The following SCAMP1 variants were observed in gnomAD, a reference collection of about 807,000 sequenced individuals.
SCAMP1 encodes the protein secretory carrier membrane protein 1.
Under a neutral mutation model 41.8 loss-of-function variants are expected in SCAMP1, and 15 were observed. The observed-to-expected ratio is 0.36, with a 90% CI of 0.24 to 0.55. The LOEUF (loss-of-function observed/expected upper bound fraction) is 0.55, where lower values mean the gene tolerates loss of function less well. SCAMP1 is among the 20% of genes least tolerant of loss of function. The pLI is 0.86. For missense variants in SCAMP1, 341 were observed against 412.6 expected, an observed-to-expected ratio of 0.83 and a Z score of 1.50; for synonymous variants, 135 against 136.8, an observed-to-expected ratio of 0.99 and a Z score of 0.09.
At chr5:78,398,223 A>G (rs1561260165) in intron 2 of SCAMP1, among the ~76,000 whole-genome samples, 1 of 152,224 alleles carries the variant, frequency 6.6e-6, no homozygotes. Flanking sequence ...TAGCATAAAA[A>G]TAAATGAAGT....
chr5:78,405,084 T>A (rs1751899420), intron 2 of SCAMP1, among the ~76,000 whole-genome samples: 1 of 152,244 alleles, frequency 6.6e-6, no homozygotes, highest in Non-Finnish European at 1.5e-5. Flanking sequence ...CAGTCATGGG[T>A]CAGCAATTTG....
intron 6 of SCAMP1, among the ~76,000 whole-genome samples, chr5:78,424,127 C>T (rs1234036250): frequency 6.6e-6 from 1 of 152,106 alleles, no homozygotes; most frequent in African/African-American, 2.4e-5. Context: ...CTGCCCACCT[C>T]GGCCTCCCAA....
chr5:78,391,799 G>C (rs372614417), intron 2 of SCAMP1, among the ~76,000 whole-genome samples: 1 of 152,222 alleles, frequency 6.6e-6, no homozygotes, highest in Non-Finnish European at 1.5e-5. Flanking sequence ...GCGGTTAGGA[G>C]CTGGAGACCA....
chr5:78,408,547 G>A (rs900261397), intron 2 of SCAMP1, among the ~76,000 whole-genome samples: 1 of 152,098 alleles, frequency 6.6e-6, no homozygotes, highest in Non-Finnish European at 1.5e-5. Flanking sequence ...TGTCCATGTG[G>A]GTAGTGGAAT....
At chr5:78,469,171 C>T (rs1490259690) in intron 8 of SCAMP1, among the ~76,000 whole-genome samples, 1 of 152,194 alleles carries the variant, frequency 6.6e-6, no homozygotes, top group East Asian at 1.9e-4. Flanking sequence ...CCCCTTGTCT[C>T]TTCCACTTTG....
chr5:78,473,661 C>T (rs1035746489), intron 8 of SCAMP1, among the ~76,000 whole-genome samples: 4 of 152,066 alleles, frequency 2.6e-5, no homozygotes, highest in African/African-American at 4.8e-5. Context: ...CAATATCTAT[C>T]GTTGCCATCT....
intron 1 of SCAMP1, chr5:78,360,987 G>A (rs1750631185): frequency 2.2e-6 from 1 of 462,004 alleles, no homozygotes; most frequent in Non-Finnish European, 3.9e-6. Flanking sequence ...GGTCGTGTCT[G>A]CAGCCGGGAC....
intron 7 of SCAMP1, 43 bp from the exon 8 acceptor site, chr5:78,459,202 T>A (rs767772395): frequency 2.2e-6 from 2 of 900,956 alleles, no homozygotes. Context: ...TTTAAAAAGT[T>A]TACATCAACT....
At chr5:78,439,951 A>G (rs1245518258) in intron 6 of SCAMP1, among the ~76,000 whole-genome samples, 1 of 152,004 alleles carries the variant, frequency 6.6e-6, no homozygotes, top group Admixed American at 6.6e-5. Context: ...CATTTCATTC[A>G]TTTGATCTTC....
chr5:78,439,652 T>A (rs559807735), intron 6 of SCAMP1, among the ~76,000 whole-genome samples: 1 of 152,348 alleles, frequency 6.6e-6, no homozygotes, highest in African/African-American at 2.4e-5. Context: ...TTTACATTTT[T>A]TCCTTCATTT....
chr5:78,398,387 C>T (rs1448689470), intron 2 of SCAMP1, among the ~76,000 whole-genome samples: 3 of 66,730 alleles, frequency 4.5e-5, no homozygotes, highest in Admixed American at 2.2e-4. Flanking sequence ...TTTTTTGAGA[C>T]AGGGTCTCAC....
At chr5:78,475,181 T>C (rs899403884) in intron 8 of SCAMP1, among the ~76,000 whole-genome samples, 8 of 152,218 alleles carry the variant, frequency 5.3e-5, no homozygotes, top group African/African-American at 1.9e-4. Context: ...TTAAACCATT[T>C]CATTGTAATG....
intron 8 of SCAMP1, among the ~76,000 whole-genome samples, 173 bp downstream of exon 8, chr5:78,459,535 A>G (rs1399152738): frequency 6.6e-6 from 1 of 152,184 alleles, no homozygotes; most frequent in Non-Finnish European, 1.5e-5. Context: ...ATTTTAGAAA[A>G]TTGCATCACA....
chr5:78,437,808 C>T (rs1487884836), intron 6 of SCAMP1, among the ~76,000 whole-genome samples: 2 of 152,132 alleles, frequency 1.3e-5, no homozygotes, highest in African/African-American at 4.8e-5. Flanking sequence ...CCTCTTTGTA[C>T]CTCTGATAGA....
At chr5:78,442,791 G>A (rs191274910) in intron 6 of SCAMP1, among the ~76,000 whole-genome samples, 2 of 152,316 alleles carry the variant, frequency 1.3e-5, no homozygotes, top group Admixed American at 6.5e-5. Flanking sequence ...AAGAAACACT[G>A]CATTGAGCAT....
intron 2 of SCAMP1, among the ~76,000 whole-genome samples, chr5:78,402,435 ATAG>A (rs1339191712): frequency 1.3e-5 from 2 of 152,096 alleles, no homozygotes; most frequent in African/African-American, 2.4e-5. Flanking sequence ...TACAACTATA[ATAG>A]TAGTTTCATC....
intron 8 of SCAMP1, among the ~76,000 whole-genome samples, chr5:78,472,009 A>G (rs1753892764): frequency 6.6e-6 from 1 of 152,096 alleles, no homozygotes; most frequent in South Asian, 2.1e-4. Flanking sequence ...TCTCATAAGT[A>G]GAAAAGATAG....
At chr5:78,432,117 T>C (rs1752639524) in intron 6 of SCAMP1, among the ~76,000 whole-genome samples, 1 of 152,156 alleles carries the variant, frequency 6.6e-6, no homozygotes, top group Admixed American at 6.6e-5. Context: ...TGCCCTGGCT[T>C]CTGCCTACTA....
chr5:78,450,078 G>A, intron 7 of SCAMP1, 44 bp downstream of exon 7: 2 of 1,100,260 alleles, frequency 1.8e-6, no homozygotes, highest in Non-Finnish European at 2.7e-6. Flanking sequence ...ATCTAATATT[G>A]TAATATAATT....
Sources: gnomAD v4.1 joint callset for allele counts (sites outside exome capture counted in the v4.1 genomes callset) on GRCh38, gnomAD v4.1.1 for gene constraint, MANE v1.5 for transcripts, NCBI Gene and HGNC (gene_info 2026-07-23, HGNC 2026-07-21) for gene names.